The following ELAVL4 variants were observed in gnomAD, a reference collection of about 807,000 sequenced individuals.
ELAVL4 encodes the protein ELAV-like protein 4.
Under a neutral mutation model 35.6 loss-of-function variants are expected in ELAVL4, and 1 was observed. The ratio of observed to expected loss-of-function variants is 0.03; its 90% CI spans 0.01 to 0.13. The LOEUF (loss-of-function observed/expected upper bound fraction) is 0.13, where lower values mean the gene tolerates loss of function less well. Ranked by LOEUF, ELAVL4 falls within the 10% of genes least tolerant of loss-of-function variation. ELAVL4 has a pLI of 1.00. For synonymous variants in ELAVL4, 156 were observed against 171.0 expected (o/e 0.91, Z 0.69); for missense variants, 267 against 464.9 (o/e 0.57, Z 3.91).
At chr1:50,118,961 A>AGAGAGG (rs1311795114) in intron 1 of ELAVL4, among the ~76,000 whole-genome samples, 1,426 of 125,794 alleles carry the variant, frequency 0.011, 63 homozygotes, top group African/African-American at 0.041. Context: ...AGAGAGAGAG[A>AGAGAGG]GAGGGAGGGA....
At chr1:50,062,245 C>T (rs755387930) in intron 1 of ELAVL4, among the ~76,000 whole-genome samples, 3 of 152,172 alleles carry the variant, frequency 2.0e-5, no homozygotes, top group African/African-American at 4.8e-5. Context: ...CAGATAGCAT[C>T]GGTCTTTGCT....
intron 1 of ELAVL4, among the ~76,000 whole-genome samples, chr1:50,080,245 G>C (rs1664947186): frequency 6.6e-6 from 1 of 152,140 alleles, no homozygotes; most frequent in African/African-American, 2.4e-5. Flanking sequence ...ACTGATCCTG[G>C]ATAGGCTTGT....
At chr1:50,119,034 GAAAAAGA>G (rs1240551677) in intron 1 of ELAVL4, among the ~76,000 whole-genome samples, 2 of 87,580 alleles carry the variant, frequency 2.3e-5, no homozygotes, top group Non-Finnish European at 4.5e-5. Context: ...AAGAAAGAAA[GAAAAAGA>G]AAGAAAGAAA....
rs372191131 is a variant in ELAVL4, at chr1:50,119,094, A to AAGAAAGAAAG, written c.9+9897_9+9898insGAAAGAAAGA. Among the ~76,000 whole-genome samples the AAGAAAGAAAG allele has an allele frequency of 8.5e-3, 897 of 105,512 alleles. 8 individuals carry two copies. The highest frequency in any genetic ancestry group is 0.018 in the East Asian group (58 of 3,206). 69.2% of individuals were successfully genotyped at this position (105,512 alleles called of 152,430 possible). On this transcript the variant is annotated intron_variant, in intron 1 of 6. Coordinates refer to ENST00000371824, the MANE Select transcript of ELAVL4 (RefSeq NM_001144774.3). ...AAAGAAAGAAAGAAAGAAAGAAAGAAAAAGAAAAAGATCCTTTGCTATGGA... is the reference window on the plus strand; with the variant it reads ...AAAGAAAGAAAGAAAGAAAGAAAGAAAGAAAGAAAGAAAGAAAAAGATCCTTTGCTATGGA...
At chr1:50,048,386 A>C (rs1407438594) in intron 1 of ELAVL4, among the ~76,000 whole-genome samples, 1 of 152,108 alleles carries the variant, frequency 6.6e-6, no homozygotes, top group Non-Finnish European at 1.5e-5. Context: ...CCCCACCCGC[A>C]GCCCATCTGG....
chr1:50,106,295 C>G (rs777111035), upstream of ELAVL4: 1 of 1,611,786 alleles, frequency 6.2e-7, no homozygotes, highest in South Asian at 1.1e-5. Flanking sequence ...ATATCTGCAA[C>G]CTTTGGGATG....
At chr1:50,146,276 A>G (rs1387016576) in intron 2 of ELAVL4, among the ~76,000 whole-genome samples, 1 of 152,130 alleles carries the variant, frequency 6.6e-6, no homozygotes, top group Non-Finnish European at 1.5e-5. Context: ...CTGTTCTCAT[A>G]ATTCACATGT....
rs533733996 is a variant in ELAVL4 at position 50,171,041 on chromosome 1, C to CA, written c.251-6041dup. 2.0e-4 allele frequency among the ~76,000 whole-genome samples: 31 copies of CA among 152,022 alleles called. 2 individuals are homozygous for CA. In the South Asian group the frequency reaches 5.2e-3, roughly 25 times the overall value. ...GAATGAGACAAAACAAGCAAACAAA[C>CA]AAAAAAACCCCACATACTTAGTTTG... is the stretch of plus-strand genomic sequence containing the variant. On this transcript the variant is annotated intron_variant, in intron 2 of 6. Coordinates refer to ENST00000371824, the MANE Select transcript of ELAVL4 (RefSeq NM_001144774.3).
At chr1:50,134,547 G>A (rs922068445) in intron 1 of ELAVL4, among the ~76,000 whole-genome samples, 3 of 152,070 alleles carry the variant, frequency 2.0e-5, no homozygotes, top group Non-Finnish European at 2.9e-5. Flanking sequence ...TTTTCCAATC[G>A]ATTTTCTTTT....
chr1:50,169,358 T>C (rs1030666289), intron 2 of ELAVL4, among the ~76,000 whole-genome samples: 1 of 152,176 alleles, frequency 6.6e-6, no homozygotes, highest in African/African-American at 2.4e-5. Context: ...TTCAGTCTAA[T>C]CAAGTTGACG....
At chr1:50,086,745 C>T (rs183833611) in intron 1 of ELAVL4, among the ~76,000 whole-genome samples, 249 of 152,088 alleles carry the variant, frequency 1.6e-3, no homozygotes, top group Admixed American at 3.9e-3. Flanking sequence ...AGTGGTGCAC[C>T]CTCCACACCC....
intron 1 of ELAVL4, among the ~76,000 whole-genome samples, chr1:50,084,298 T>G (rs7515335): frequency 0.096 from 14,543 of 152,182 alleles, 945 homozygotes; most frequent in African/African-American, 0.17. Context: ...GTGACATAAT[T>G]CTAATTTTAT....
chr1:50,049,079 T>C (rs1270033903), intron 1 of ELAVL4, among the ~76,000 whole-genome samples: 2 of 152,076 alleles, frequency 1.3e-5, no homozygotes, highest in African/African-American at 4.8e-5. Flanking sequence ...TGGGGGAAAA[T>C]GAGTCATATT....
intron 3 of ELAVL4, among the ~76,000 whole-genome samples, chr1:50,188,055 A>G (rs1043892777): frequency 6.6e-6 from 1 of 152,208 alleles, no homozygotes; most frequent in Admixed American, 6.5e-5. Context: ...AGATGGTGCC[A>G]CTGCACTCCA....
intron 3 of ELAVL4, among the ~76,000 whole-genome samples, chr1:50,190,299 A>G (rs1216604413): frequency 6.6e-6 from 1 of 152,208 alleles, no homozygotes; most frequent in African/African-American, 2.4e-5. Flanking sequence ...GACCCTGAAA[A>G]TTGGCAATTT....
chr1:50,092,332 G>A (rs777474920), intron 1 of ELAVL4, among the ~76,000 whole-genome samples: 2 of 152,174 alleles, frequency 1.3e-5, no homozygotes, highest in East Asian at 1.9e-4. Context: ...ACAAGGGGTC[G>A]GGGGCATCCC....
chr1:50,076,066 C>T (rs1247266032), intron 1 of ELAVL4, among the ~76,000 whole-genome samples: 10 of 152,088 alleles, frequency 6.6e-5, no homozygotes, highest in Non-Finnish European at 1.5e-4. Flanking sequence ...TGGCCTCAAG[C>T]GATTGTCCCA....
intron 1 of ELAVL4, chr1:50,110,021 G>A (rs1666794818): frequency 1.2e-6 from 2 of 1,600,912 alleles, no homozygotes; most frequent in African/African-American, 1.3e-5. Context: ...GTGTGTGTGT[G>A]TGTGTGCTTG....
upstream of ELAVL4, among the ~76,000 whole-genome samples, chr1:50,108,250 T>C (rs1327831721): frequency 6.6e-6 from 1 of 152,056 alleles, no homozygotes; most frequent in East Asian, 1.9e-4. Context: ...TTTCTTTTTG[T>C]TTATTAGGAA....
Sources: gnomAD v4.1 joint callset for allele counts (sites outside exome capture counted in the v4.1 genomes callset) on GRCh38, gnomAD v4.1.1 for gene constraint, MANE v1.5 for transcripts, NCBI Gene and HGNC (gene_info 2026-07-23, HGNC 2026-07-21) for gene names.